MBD5: variants seen among roughly 807,000 people sequenced by gnomAD.
MBD5 encodes the protein methyl-CpG binding domain protein 5.
In MBD5, 13 loss-of-function variants were observed where a neutral mutation model predicts 117.3. The observed-to-expected ratio is 0.11, with a 90% CI of 0.07 to 0.18. MBD5 has a LOEUF of 0.18. MBD5 is among the 10% of genes least tolerant of loss of function. The probability of loss-of-function intolerance (pLI) is 1.00; values close to 1 mark genes in which losing one functional copy is unlikely to be tolerated. For synonymous variants in MBD5, 727 were observed against 766.4 expected (o/e 0.95, Z 0.85); for missense variants, 1,879 against 2,093.8 (o/e 0.90, Z 2.00).
intron 1 of MBD5, among the ~76,000 whole-genome samples, chr2:148,042,637 A>C (rs1236609728): frequency 2.0e-5 from 3 of 152,212 alleles, no homozygotes; most frequent in African/African-American, 7.2e-5. Flanking sequence ...ATTTAGGAAG[A>C]TGAGGAGGAC....
chr2:148,299,100 T>C (rs1701721652), intron 3 of MBD5, among the ~76,000 whole-genome samples: 2 of 152,024 alleles, frequency 1.3e-5, no homozygotes, highest in Non-Finnish European at 2.9e-5. Context: ...CAGCAGAAGG[T>C]AAGCTTTGCT....
chr2:148,416,331 A>C (rs1705416300), intron 4 of MBD5, among the ~76,000 whole-genome samples: 5 of 152,120 alleles, frequency 3.3e-5, no homozygotes, highest in South Asian at 4.1e-4. Flanking sequence ...AACCTGCTGC[A>C]CCAGAAGGGC....
intron 4 of MBD5, among the ~76,000 whole-genome samples, chr2:148,427,494 A>G (rs980397865): frequency 6.6e-6 from 1 of 152,200 alleles, no homozygotes; most frequent in Admixed American, 6.5e-5. Context: ...TTGTAGGGAC[A>G]TGGATGAAGC....
At chr2:148,220,508 G>T (rs1574152295) in intron 2 of MBD5, among the ~76,000 whole-genome samples, 1 of 152,076 alleles carries the variant, frequency 6.6e-6, no homozygotes, top group East Asian at 1.9e-4. Flanking sequence ...ATATCAAAAA[G>T]CTTGGGAAAC....
intron 4 of MBD5, among the ~76,000 whole-genome samples, chr2:148,345,215 T>TACACACACAC (rs1703060052): frequency 1.8e-5 from 2 of 113,154 alleles, no homozygotes; most frequent in African/African-American, 6.9e-5. Context: ...TATATGTATA[T>TACACACACAC]ATACACACAC....
intron 1 of MBD5, among the ~76,000 whole-genome samples, chr2:148,091,452 A>C (rs1695939005): frequency 6.6e-6 from 1 of 152,232 alleles, no homozygotes; most frequent in Non-Finnish European, 1.5e-5. Context: ...ACTGATATCC[A>C]AATAGGCACG....
rs1351030125 is a variant in MBD5 at position 148,043,463 on chromosome 2, A to ATAAATAAATAAAT, written c.-925+21780_-925+21792dup. On this transcript the variant is annotated intron_variant, in intron 1 of 13. Coordinates refer to ENST00000642680, the MANE Select transcript of MBD5 (RefSeq NM_001378120.1). ...GCGAGACTCCTTCTCAAATAAATAA[A>ATAAATAAATAAAT]TAAATAAATAAATAAATAAATAAAA... Among the ~76,000 whole-genome samples the ATAAATAAATAAAT allele has an allele frequency of 2.0e-3, 306 of 150,722 alleles. 11 individuals are homozygous for ATAAATAAATAAAT. The East Asian group carries it at 0.05, about 24-fold the overall frequency.
chr2:148,091,582 T>C (rs1695945063), intron 1 of MBD5, among the ~76,000 whole-genome samples: 1 of 152,166 alleles, frequency 6.6e-6, no homozygotes. Context: ...CAAAAAATCA[T>C]GCTAGGATAA....
chr2:148,096,038 A>C (rs1696061251), intron 1 of MBD5, among the ~76,000 whole-genome samples: 1 of 152,186 alleles, frequency 6.6e-6, no homozygotes, highest in East Asian at 1.9e-4. Flanking sequence ...ACATTTTTCC[A>C]CTTTCTTTTT....
chr2:148,139,871 G>T (rs1263301597), intron 1 of MBD5, among the ~76,000 whole-genome samples: 1 of 152,166 alleles, frequency 6.6e-6, no homozygotes, highest in Non-Finnish European at 1.5e-5. Context: ...TTAAGGTCAA[G>T]CTGCTGCTCA....
At chr2:148,366,082 A>T (rs1211183361) in intron 4 of MBD5, among the ~76,000 whole-genome samples, 3 of 152,204 alleles carry the variant, frequency 2.0e-5, no homozygotes, top group Non-Finnish European at 4.4e-5. Flanking sequence ...CCTCAATAAA[A>T]TGCTGGCAGA....
At chr2:148,498,885 G>A (rs1490606580) in intron 11 of MBD5, among the ~76,000 whole-genome samples, 1 of 152,210 alleles carries the variant, frequency 6.6e-6, no homozygotes, top group Non-Finnish European at 1.5e-5. Context: ...CTACCACATA[G>A]TAATGTCTGG....
intron 3 of MBD5, among the ~76,000 whole-genome samples, chr2:148,239,686 TACACAC>T (rs34980624): frequency 0.12 from 16,989 of 141,538 alleles, 1,141 homozygotes; most frequent in Non-Finnish European, 0.16. Context: ...TTTATTTACT[TACACAC>T]ACACACACAC....
chr2:148,196,341 G>T (rs964939997), intron 2 of MBD5: 1 of 152,000 alleles, frequency 6.6e-6, no homozygotes, highest in Non-Finnish European at 1.5e-5. Context: ...TATGACTAGT[G>T]TAGGTAATTA....
At chr2:148,499,874 A>G (rs1485903199) in intron 11 of MBD5, among the ~76,000 whole-genome samples, 1 of 152,182 alleles carries the variant, frequency 6.6e-6, no homozygotes, top group Admixed American at 6.5e-5. Context: ...GAAAAAACAC[A>G]CACTCTTCAT....
At chr2:148,391,936 C>T (rs1704582113) in intron 4 of MBD5, among the ~76,000 whole-genome samples, 1 of 152,064 alleles carries the variant, frequency 6.6e-6, no homozygotes, top group South Asian at 2.1e-4. Flanking sequence ...CAATTTTTTC[C>T]TGTTCTTTCT....
intron 9 of MBD5, 126 bp downstream of exon 9, chr2:148,484,261 T>A: frequency 2.5e-6 from 2 of 816,260 alleles, no homozygotes; most frequent in Non-Finnish European, 3.7e-6. Flanking sequence ...ACAGCTTGCT[T>A]AAGGAACTAA....
At chr2:148,321,667 C>G (rs1237478634) in intron 3 of MBD5, among the ~76,000 whole-genome samples, 1 of 152,114 alleles carries the variant, frequency 6.6e-6, no homozygotes, top group Non-Finnish European at 1.5e-5. Context: ...TTAAAGCATC[C>G]CCAGTACTTT....
At chr2:148,327,293 A>G (rs373052223) in intron 3 of MBD5, among the ~76,000 whole-genome samples, 9 of 151,664 alleles carry the variant, frequency 5.9e-5, no homozygotes, top group South Asian at 2.1e-4. Flanking sequence ...TTCAACTTTG[A>G]TGAATCTGAC....
Sources: gnomAD v4.1 joint callset for allele counts (sites outside exome capture counted in the v4.1 genomes callset) on GRCh38, gnomAD v4.1.1 for gene constraint, MANE v1.5 for transcripts, NCBI Gene and HGNC (gene_info 2026-07-23, HGNC 2026-07-21) for gene names.